CAMTA1: variants seen among roughly 807,000 people sequenced by gnomAD.
The protein encoded by CAMTA1 is calmodulin-binding transcription activator 1.
CAMTA1 carries 27 observed loss-of-function variants against 170.9 expected under a neutral mutation model. The observed-to-expected ratio is 0.16, with a 90% CI of 0.12 to 0.22. The LOEUF (loss-of-function observed/expected upper bound fraction) is 0.22, where lower values mean the gene tolerates loss of function less well. CAMTA1 is among the 10% of genes least tolerant of loss of function. The probability of loss-of-function intolerance (pLI) is 1.00; values close to 1 mark genes in which losing one functional copy is unlikely to be tolerated. For synonymous variants in CAMTA1, 833 were observed against 891.5 expected (o/e 0.93, Z 1.17); for missense variants, 1,619 against 2,217.2 (o/e 0.73, Z 5.42).
chr1:7,651,888 C>T (rs2095850646), intron 7 of CAMTA1, among the ~76,000 whole-genome samples: 1 of 152,258 alleles, frequency 6.6e-6, no homozygotes, highest in African/African-American at 2.4e-5. Context: ...TAAATTCTCG[C>T]CTCTTCTTCC....
intron 3 of CAMTA1, chr1:6,888,166 C>T: frequency 1.0e-6 from 1 of 982,312 alleles, no homozygotes; most frequent in Non-Finnish European, 1.2e-6. Flanking sequence ...ACAGTGCTGA[C>T]ACAGTGCAGA....
intron 1 of CAMTA1, among the ~76,000 whole-genome samples, chr1:6,789,646 G>A (rs1335680510): frequency 6.6e-6 from 1 of 152,098 alleles, no homozygotes; most frequent in Non-Finnish European, 1.5e-5. Flanking sequence ...CTGGGGAGAA[G>A]TCGTTTTTGT....
intron 5 of CAMTA1, among the ~76,000 whole-genome samples, chr1:7,444,026 T>C (rs1385150788): frequency 6.6e-6 from 1 of 151,926 alleles, no homozygotes; most frequent in African/African-American, 2.4e-5. Context: ...TTGCGGAGGG[T>C]GGGAGCTGGG....
chr1:7,323,499 T>G (rs894285975), intron 5 of CAMTA1, among the ~76,000 whole-genome samples: 1 of 138,616 alleles, frequency 7.2e-6, no homozygotes, highest in African/African-American at 2.8e-5. Context: ...TCTATTTCCT[T>G]TATTCTTCTT....
chr1:7,557,654 T>A (rs899662374), intron 6 of CAMTA1, among the ~76,000 whole-genome samples: 3 of 152,114 alleles, frequency 2.0e-5, no homozygotes, highest in Non-Finnish European at 4.4e-5. Flanking sequence ...CTCCCCCAGC[T>A]CCCTTTTGCC....
At chr1:7,181,759 A>G (rs1652209351) in intron 4 of CAMTA1, among the ~76,000 whole-genome samples, 1 of 102,844 alleles carries the variant, frequency 9.7e-6, no homozygotes, top group South Asian at 2.7e-4. Flanking sequence ...GGATGGATTG[A>G]TTTAACATCA....
chr1:7,762,615 T>C (rs1232172609), intron 22 of CAMTA1, among the ~76,000 whole-genome samples: 1 of 152,224 alleles, frequency 6.6e-6, no homozygotes, highest in Admixed American at 6.5e-5. Context: ...ATGATTTCAC[T>C]AGGGCAGATA....
At chr1:6,989,493 T>C (rs982681764) in intron 3 of CAMTA1, among the ~76,000 whole-genome samples, 1 of 152,140 alleles carries the variant, frequency 6.6e-6, no homozygotes, top group African/African-American at 2.4e-5. Flanking sequence ...AGATTTACAG[T>C]GTGGAGGCTG....
intron 3 of CAMTA1, among the ~76,000 whole-genome samples, chr1:6,930,712 C>A (rs1475411557): frequency 2.0e-5 from 3 of 152,166 alleles, no homozygotes; most frequent in Non-Finnish European, 4.4e-5. Context: ...AGCAAGGGAC[C>A]ATTTGGCTGT....
At chr1:6,929,643 G>C (rs1174463467) in intron 3 of CAMTA1, among the ~76,000 whole-genome samples, 1 of 152,196 alleles carries the variant, frequency 6.6e-6, no homozygotes, top group Non-Finnish European at 1.5e-5. Context: ...GATTACAGGC[G>C]TGAGCCACCG....
chr1:6,838,316 A>G (rs924834153), intron 3 of CAMTA1, among the ~76,000 whole-genome samples: 1 of 152,160 alleles, frequency 6.6e-6, no homozygotes, highest in Non-Finnish European at 1.5e-5. Context: ...TCCCACAACC[A>G]CGGAAGGAAG....
chr1:7,211,545 T>G (rs1413784764), intron 4 of CAMTA1, among the ~76,000 whole-genome samples: 1 of 152,078 alleles, frequency 6.6e-6, no homozygotes, highest in Admixed American at 6.6e-5. Flanking sequence ...ATTATTGTGA[T>G]TTTGAGATTC....
At chr1:6,834,230 A>T (rs1465081641) in intron 3 of CAMTA1, 3 of 133,752 alleles carry the variant, frequency 2.2e-5, no homozygotes, top group African/African-American at 5.6e-5. Context: ...GTTTATTTTT[A>T]TTTATAAATT....
At chr1:6,896,595 A>G (rs1277176295) in intron 3 of CAMTA1, among the ~76,000 whole-genome samples, 4 of 152,182 alleles carry the variant, frequency 2.6e-5, no homozygotes, top group Non-Finnish European at 2.9e-5. Context: ...GCAACATCCA[A>G]GCGTTCAGGA....
At chr1:7,692,541 GA>G (rs1206119357) in intron 11 of CAMTA1, among the ~76,000 whole-genome samples, 1 of 152,064 alleles carries the variant, frequency 6.6e-6, no homozygotes, top group Non-Finnish European at 1.5e-5. Flanking sequence ...ATGAATGAAT[GA>G]ATGAGTGAGT....
intron 3 of CAMTA1, among the ~76,000 whole-genome samples, chr1:6,947,565 T>G (rs2149459568): frequency 6.7e-6 from 1 of 149,156 alleles, no homozygotes; most frequent in Non-Finnish European, 1.5e-5. Flanking sequence ...TTTTTTTGAG[T>G]AGAGATGGTG....
intron 5 of CAMTA1, among the ~76,000 whole-genome samples, chr1:7,320,315 T>C (rs1453411815): frequency 6.6e-6 from 1 of 152,248 alleles, no homozygotes; most frequent in African/African-American, 2.4e-5. Flanking sequence ...TTGTTTTTTA[T>C]TGCAAATGAA....
At chr1:7,048,484 C>T (rs143454502) in intron 3 of CAMTA1, among the ~76,000 whole-genome samples, 2 of 152,144 alleles carry the variant, frequency 1.3e-5, no homozygotes, top group Admixed American at 6.5e-5. Flanking sequence ...GAGAGGGGAG[C>T]GTCTGCTGTT....
rs1168441898 is a variant in CAMTA1, at chr1:7,547,827, G to GA, written c.510+79926_510+79927insA. On this transcript the variant is annotated intron_variant, in intron 6 of 22. Coordinates refer to ENST00000303635, the MANE Select transcript of CAMTA1 (RefSeq NM_015215.4). This position sits in a 1 kb window ranked among gnomAD's most constrained non-coding sequence, Gnocchi z 5.7. ...GTCTCACATCTCTGCCACCCCATGT[G>GA]GGCCCCCTCCAAACCCAGACTCTGA... Among the ~76,000 whole-genome samples, 2 of 148,280 alleles carry GA rather than the reference G, an allele frequency of 1.3e-5. No homozygotes were observed. Among genetic ancestry groups the GA allele is most frequent in the Non-Finnish European group, 3.0e-5 (2 of 66,432 alleles).
Sources: gnomAD v4.1 joint callset for allele counts (sites outside exome capture counted in the v4.1 genomes callset) on GRCh38, gnomAD v4.1.1 for gene constraint, Gnocchi (gnomAD v3.1) non-coding constraint, MANE v1.5 for transcripts, NCBI Gene and HGNC (gene_info 2026-07-23, HGNC 2026-07-21) for gene names.